The following ITPR1 variants were observed in gnomAD, a reference collection of about 807,000 sequenced individuals.
The protein encoded by ITPR1 is inositol 1,4,5-trisphosphate receptor type 1.
ITPR1 carries 96 observed loss-of-function variants against 318.4 expected under a neutral mutation model. The ratio of observed to expected loss-of-function variants is 0.30; its 90% CI spans 0.26 to 0.36. The LOEUF (loss-of-function observed/expected upper bound fraction) is 0.36. Ranked by LOEUF, ITPR1 falls within the 10% of genes least tolerant of loss-of-function variation. ITPR1 has a pLI of 1.00. For synonymous variants in ITPR1, 1,312 were observed against 1,289.9 expected, an observed-to-expected ratio of 1.02 and a Z score of -0.37; for missense variants, 2,440 against 3,460.2, an observed-to-expected ratio of 0.71 and a Z score of 7.40.
chr3:4,598,607 G>C (rs1227462720), intron 4 of ITPR1, among the ~76,000 whole-genome samples: 3 of 152,118 alleles, frequency 2.0e-5, no homozygotes, highest in African/African-American at 7.2e-5. Context: ...GGGAGATGGA[G>C]CTAGACCCTG....
At position 4,847,184 on chromosome 3, in the gene ITPR1, CTA is replaced by C. The variant is rs2051845334; in HGVS notation, c.*964_*965del. 6.6e-6 allele frequency: 1 copy of C among 152,482 alleles called. No individual in the cohort carries two copies. Among genetic ancestry groups the C allele is most frequent in the Non-Finnish European group, 1.5e-5 (1 of 68,008 alleles). 9.4% of individuals were successfully genotyped at this position (152,482 alleles called of 1,614,324 possible). A position where few individuals can be genotyped will look rare whatever the true frequency, so the allele number is the denominator to read the frequency against. ...CTACAGTAGCTAAGAAGTATTAAAA[CTA>C]TATACATCCATATAAAGATGAAATA... On this transcript the variant is annotated 3_prime_UTR_variant, in exon 62 of 62. Transcript: ENST00000649015.
chr3:4,791,986 G>A (rs945860500), intron 52 of ITPR1, among the ~76,000 whole-genome samples: 6 of 152,156 alleles, frequency 3.9e-5, no homozygotes, highest in Admixed American at 1.3e-4. Flanking sequence ...AAAGATTCTC[G>A]CTGGGCTAAT....
chr3:4,519,128 G>C (rs112701678), intron 3 of ITPR1, among the ~76,000 whole-genome samples: 1 of 152,156 alleles, frequency 6.6e-6, no homozygotes, highest in African/African-American at 2.4e-5. Context: ...TGATCATGCC[G>C]CTAGTAGGTG....
intron 54 of ITPR1, among the ~76,000 whole-genome samples, chr3:4,803,407 G>A (rs2048365476): frequency 6.6e-6 from 1 of 152,206 alleles, no homozygotes; most frequent in African/African-American, 2.4e-5. Context: ...AAATGATTGG[G>A]AGAAGAATAA....
At chr3:4,556,513 T>A (rs7647089) in intron 4 of ITPR1, among the ~76,000 whole-genome samples, 97,544 of 145,266 alleles carry the variant, frequency 0.67, 32,564 homozygotes, top group Admixed American at 0.71. Flanking sequence ...TTTTTTTTTT[T>A]ATCTCCCTAG....
At chr3:4,533,756 G>A (rs1198193198) in intron 4 of ITPR1, among the ~76,000 whole-genome samples, 1 of 152,142 alleles carries the variant, frequency 6.6e-6, no homozygotes, top group African/African-American at 2.4e-5. Flanking sequence ...ACAGAGCTTG[G>A]GGCTATTAGA....
intron 39 of ITPR1, among the ~76,000 whole-genome samples, chr3:4,716,834 T>C (rs945516811): frequency 1.3e-5 from 2 of 152,202 alleles, no homozygotes; most frequent in Non-Finnish European, 2.9e-5. Flanking sequence ...AGAGGGAATA[T>C]AGTTTCCTTT....
At chr3:4,576,106 A>G (rs2088629914) in intron 4 of ITPR1, among the ~76,000 whole-genome samples, 2 of 152,166 alleles carry the variant, frequency 1.3e-5, no homozygotes, top group South Asian at 4.2e-4. Context: ...TGTTTTCTTT[A>G]TAATGAATGA....
intron 4 of ITPR1, among the ~76,000 whole-genome samples, chr3:4,627,189 A>G (rs1447470388): frequency 6.6e-6 from 1 of 152,156 alleles, no homozygotes; most frequent in African/African-American, 2.4e-5. Context: ...AAATACTTGT[A>G]TGCATTGTTG....
intron 34 of ITPR1, among the ~76,000 whole-genome samples, chr3:4,699,111 G>A (rs1368151812): frequency 1.3e-5 from 2 of 152,046 alleles, no homozygotes; most frequent in Non-Finnish European, 2.9e-5. Context: ...TACTTTGGGA[G>A]GCCTAGGTGG....
chr3:4,745,842 G>T (rs538780227), intron 44 of ITPR1, among the ~76,000 whole-genome samples: 1 of 152,090 alleles, frequency 6.6e-6, no homozygotes, highest in African/African-American at 2.4e-5. Flanking sequence ...TTGCCCTCTC[G>T]TGTTCCATAG....
At chr3:4,666,746 C>A (rs2093955711) in intron 17 of ITPR1, among the ~76,000 whole-genome samples, 1 of 152,168 alleles carries the variant, frequency 6.6e-6, no homozygotes, top group Non-Finnish European at 1.5e-5. Context: ...TGAACAGAAA[C>A]AAACAGGTAT....
intron 4 of ITPR1, among the ~76,000 whole-genome samples, chr3:4,523,544 C>T (rs304020): frequency 0.82 from 124,404 of 152,118 alleles, 50,963 homozygotes; most frequent in South Asian, 0.92. Flanking sequence ...CTTATTCCTC[C>T]TAACTGAAAT....
chr3:4,801,162 T>C (rs1028053941), intron 54 of ITPR1, among the ~76,000 whole-genome samples: 2 of 152,166 alleles, frequency 1.3e-5, no homozygotes, highest in Admixed American at 6.5e-5. Flanking sequence ...GGGAGAATTC[T>C]TAGGACAAAC....
intron 4 of ITPR1, among the ~76,000 whole-genome samples, chr3:4,615,348 A>T (rs2092342320): frequency 6.7e-6 from 1 of 149,090 alleles, no homozygotes; most frequent in South Asian, 2.1e-4. Flanking sequence ...TGGGGAGAGG[A>T]CTTGCCTTTC....
intron 4 of ITPR1, among the ~76,000 whole-genome samples, chr3:4,522,728 A>G (rs1183238943): frequency 1.3e-5 from 2 of 152,210 alleles, no homozygotes; most frequent in African/African-American, 4.8e-5. Context: ...TTACTTCCCC[A>G]CTGTGAATAT....
In ITPR1 at chr3:4,703,029, C is replaced by A. The variant is rs1034813660; in HGVS notation, c.4657+79C>A. The A allele has an allele frequency of 1.5e-5, 22 of 1,451,208 alleles. No homozygotes were observed. The African/African-American group carries it at 3.1e-4, about 20-fold the overall frequency. The allele number at this position is 1,451,208 out of a possible 1,614,324, so 89.9% of individuals were successfully genotyped here. Reference sequence around the variant, plus strand: ...TAGTAAGGCTGCCATTTATTGAGCACTCATTACAACTCTTCTAAAGTTACA... The same window carrying A: ...TAGTAAGGCTGCCATTTATTGAGCAATCATTACAACTCTTCTAAAGTTACA... On this transcript the variant is annotated intron_variant, in intron 36 of 61. Transcript: ENST00000649015.
At chr3:4,530,416 G>T (rs1159126892) in intron 4 of ITPR1, among the ~76,000 whole-genome samples, 1 of 152,196 alleles carries the variant, frequency 6.6e-6, no homozygotes, top group Non-Finnish European at 1.5e-5. Flanking sequence ...AATGGCCGCT[G>T]ATCTTTTTAC....
At chr3:4,653,627 G>C (rs2093643541) in intron 11 of ITPR1, among the ~76,000 whole-genome samples, 1 of 152,056 alleles carries the variant, frequency 6.6e-6, no homozygotes, top group Non-Finnish European at 1.5e-5. Flanking sequence ...GTCTATACTT[G>C]AGAGCCGTCT....
Sources: allele counts gnomAD v4.1 joint callset (sites outside exome capture counted in the v4.1 genomes callset), GRCh38; gene constraint gnomAD v4.1.1; transcripts MANE v1.5; gene names NCBI Gene and HGNC (gene_info 2026-07-23, HGNC 2026-07-21).